SGMS1: variants seen among roughly 807,000 people sequenced by gnomAD.
The protein encoded by SGMS1 is phosphatidylcholine:ceramide cholinephosphotransferase 1.
In SGMS1, 13 loss-of-function variants were observed where a neutral mutation model predicts 46.2. The ratio of observed to expected loss-of-function variants is 0.28; its 90% CI spans 0.18 to 0.45. The LOEUF is 0.45. Among genes scored for constraint, SGMS1 ranks in the 20% least tolerant of loss-of-function variants. SGMS1 has a pLI of 1.00. For missense variants in SGMS1, 324 were observed against 519.9 expected, an observed-to-expected ratio of 0.62 and a Z score of 3.66; for synonymous variants, 203 against 187.8, an observed-to-expected ratio of 1.08 and a Z score of -0.66.
intron 5 of SGMS1, among the ~76,000 whole-genome samples, chr10:50,437,884 CA>C: frequency 6.6e-6 from 1 of 152,178 alleles, no homozygotes. Context: ...AAGAATGTGT[CA>C]CATACCCCAA....
intron 3 of SGMS1, among the ~76,000 whole-genome samples, chr10:50,489,110 C>T (rs1475776213): frequency 6.6e-6 from 1 of 152,086 alleles, no homozygotes; most frequent in Non-Finnish European, 1.5e-5. Context: ...ATGTATTTGC[C>T]AATACTAACC....
At chr10:50,420,960 G>A (rs1419136474) in intron 6 of SGMS1, among the ~76,000 whole-genome samples, 2 of 152,194 alleles carry the variant, frequency 1.3e-5, no homozygotes, top group Admixed American at 6.5e-5. Flanking sequence ...TCATAAATAT[G>A]TTTGGCTGCA....
chr10:50,563,299 T>TAG (rs1355403063), intron 2 of SGMS1, among the ~76,000 whole-genome samples: 2 of 152,214 alleles, frequency 1.3e-5, no homozygotes, highest in Non-Finnish European at 2.9e-5. Context: ...GGGCAGTCTG[T>TAG]ACACACAGGG....
chr10:50,562,844 G>A (rs1197748251), intron 2 of SGMS1, among the ~76,000 whole-genome samples: 1 of 151,702 alleles, frequency 6.6e-6, no homozygotes, highest in East Asian at 1.9e-4. Flanking sequence ...GCGCCCGGCC[G>A]TCTCCATACT....
intron 6 of SGMS1, among the ~76,000 whole-genome samples, chr10:50,420,810 A>G (rs1376069973): frequency 1.3e-5 from 2 of 152,184 alleles, no homozygotes; most frequent in Non-Finnish European, 2.9e-5. Flanking sequence ...GGACACAGAG[A>G]GATACTTTGA....
intron 8 of SGMS1, among the ~76,000 whole-genome samples, chr10:50,322,838 C>CAAAAAAAA (rs58049533): frequency 1.8e-4 from 9 of 51,314 alleles, no homozygotes; most frequent in Non-Finnish European, 2.9e-4. Context: ...GACTCCGTCT[C>CAAAAAAAA]AAAAAAAAAA....
At chr10:50,622,840 G>A (rs1393338840) in intron 1 of SGMS1, among the ~76,000 whole-genome samples, 1 of 152,264 alleles carries the variant, frequency 6.6e-6, no homozygotes, top group Non-Finnish European at 1.5e-5. Flanking sequence ...TCCGGCCCAC[G>A]GGAGGACGCC....
intron 8 of SGMS1, among the ~76,000 whole-genome samples, chr10:50,312,714 T>C (rs1355610354): frequency 4.6e-5 from 7 of 152,206 alleles, no homozygotes; most frequent in Admixed American, 4.6e-4. Flanking sequence ...CTTTTTCATA[T>C]ATACACGATT....
intron 3 of SGMS1, among the ~76,000 whole-genome samples, chr10:50,510,920 G>T (rs1203571620): frequency 6.6e-6 from 1 of 152,164 alleles, no homozygotes; most frequent in East Asian, 1.9e-4. Flanking sequence ...ATATAAATCT[G>T]TTCCATCAAA....
chr10:50,443,683 A>G (rs1849573217), intron 5 of SGMS1, among the ~76,000 whole-genome samples: 1 of 152,130 alleles, frequency 6.6e-6, no homozygotes, highest in African/African-American at 2.4e-5. Flanking sequence ...ATATAGATGT[A>G]AACCCATAGA....
chr10:50,454,339 C>G (rs1446133422), intron 5 of SGMS1, among the ~76,000 whole-genome samples: 6 of 152,090 alleles, frequency 3.9e-5, no homozygotes, highest in African/African-American at 1.2e-4. Flanking sequence ...ACTAACTAAT[C>G]AGCTAGACCA....
intron 2 of SGMS1, among the ~76,000 whole-genome samples, chr10:50,538,059 A>G (rs926029445): frequency 6.6e-6 from 1 of 151,924 alleles, no homozygotes; most frequent in Non-Finnish European, 1.5e-5. Flanking sequence ...AGCTATGATT[A>G]TGCCACGGCA....
chr10:50,387,081 TG>T, intron 6 of SGMS1, among the ~76,000 whole-genome samples: 1 of 152,244 alleles, frequency 6.6e-6, no homozygotes, highest in East Asian at 1.9e-4. Flanking sequence ...CTCCAAAGCC[TG>T]TGTGCTCCCC....
At chr10:50,318,557 T>C (rs1174674077) in intron 8 of SGMS1, among the ~76,000 whole-genome samples, 1 of 152,186 alleles carries the variant, frequency 6.6e-6, no homozygotes, top group Admixed American at 6.5e-5. Flanking sequence ...ATGATTCTCC[T>C]TAAATATAGA....
At chr10:50,556,194 C>T (rs1838188059) in intron 2 of SGMS1, among the ~76,000 whole-genome samples, 1 of 152,210 alleles carries the variant, frequency 6.6e-6, no homozygotes, top group South Asian at 2.1e-4. Flanking sequence ...CCATACAAAA[C>T]TGTAAGAGTA....
intron 6 of SGMS1, among the ~76,000 whole-genome samples, chr10:50,358,880 T>C (rs1184191920): frequency 1.3e-5 from 2 of 152,218 alleles, no homozygotes; most frequent in South Asian, 2.1e-4. Flanking sequence ...TAAAATGGTA[T>C]AGATTTGAAG....
chr10:50,383,585 T>C (rs1432642514), intron 6 of SGMS1, among the ~76,000 whole-genome samples: 1 of 152,168 alleles, frequency 6.6e-6, no homozygotes, highest in Non-Finnish European at 1.5e-5. Context: ...TGTAGAAATT[T>C]TTTTTTAATT....
intron 2 of SGMS1, among the ~76,000 whole-genome samples, chr10:50,567,103 C>A (rs368055308): frequency 6.6e-6 from 1 of 152,092 alleles, no homozygotes; most frequent in Non-Finnish European, 1.5e-5. Flanking sequence ...CCCGCCACTA[C>A]GCTCAGCTAA....
At chr10:50,462,598 T>C (rs1029894228) in intron 4 of SGMS1, among the ~76,000 whole-genome samples, 5 of 152,136 alleles carry the variant, frequency 3.3e-5, no homozygotes, top group Non-Finnish European at 7.3e-5. Flanking sequence ...ATAGGAAATA[T>C]GAGAAACCAT....
Sources: allele counts gnomAD v4.1 joint callset (sites outside exome capture counted in the v4.1 genomes callset), GRCh38; gene constraint gnomAD v4.1.1; transcripts MANE v1.5; gene names NCBI Gene and HGNC (gene_info 2026-07-23, HGNC 2026-07-21).